The following SCUBE2 variants were observed in gnomAD, a reference collection of about 807,000 sequenced individuals.
SCUBE2 encodes signal peptide, CUB and EGF-like domain-containing protein 2.
A neutral mutation model predicts 125.9 loss-of-function variants in SCUBE2; 114 were observed. The observed-to-expected ratio is 0.91, with a 90% CI of 0.78 to 1.06. SCUBE2 has a LOEUF of 1.06. Ranked by LOEUF, SCUBE2 falls within the 50% of genes least tolerant of loss-of-function variation. The pLI, the probability that SCUBE2 is intolerant of heterozygous loss-of-function variation, is 0.00. For synonymous variants in SCUBE2, 459 were observed against 492.9 expected, an observed-to-expected ratio of 0.93 and a Z score of 0.91; for missense variants, 1,255 against 1,301.8, an observed-to-expected ratio of 0.96 and a Z score of 0.55.
At chr11:9,038,876 TTTTC>T (rs1458119123) in intron 16 of SCUBE2, among the ~76,000 whole-genome samples, 1 of 124,718 alleles carries the variant, frequency 8.0e-6, no homozygotes, top group Non-Finnish European at 1.7e-5. Flanking sequence ...TATGTTTTTC[TTTTC>T]TTTTCTTTTC....
chr11:9,074,041 G>A (rs1396577133), intron 4 of SCUBE2, among the ~76,000 whole-genome samples: 6 of 152,144 alleles, frequency 3.9e-5, no homozygotes, highest in Admixed American at 3.9e-4. Flanking sequence ...GCTTGGGGCT[G>A]AAAACAGGGC....
chr11:9,088,059 G>A (rs1413236584), intron 2 of SCUBE2, among the ~76,000 whole-genome samples: 1 of 152,246 alleles, frequency 6.6e-6, no homozygotes, highest in African/African-American at 2.4e-5. Flanking sequence ...ACCAGGCACT[G>A]CTGAGCATTA....
rs1164380712 is a variant in SCUBE2 at position 9,027,497 on chromosome 11, G to A, written c.2568C>T (p.Gly856=). The change falls in exon 20 of 23, where the codon GGC becomes GGT. Residue 856 remains glycine (G), a synonymous_variant. Coordinates refer to ENST00000649792, the MANE Select transcript of SCUBE2 (RefSeq NM_001367977.2). The part of the protein sequence containing the change: ...TGYIESPNYP[G]NYPANTECTW... ...TACACTCGGTGTTGGCTGGGTAATT[G>A]CCTGGGTAGTTTGGGGATTCAATGT... is the stretch of plus-strand genomic sequence containing the variant. 6.2e-7 allele frequency: 1 copy of A among 1,614,096 alleles called. No individual in the cohort carries two copies. The highest frequency in any genetic ancestry group is 1.1e-5 in the South Asian group (1 of 91,064).
rs779516377 is a variant in SCUBE2, at chr11:9,047,360, T to C, written c.1998A>G (p.Gln666=). ...CGVGQGHAEN[Q]CVSCRAGTYY... Reference sequence around the variant, plus strand: ...AGAATGTCCCAGGCCACTCACCACATTGGTTTTCTGCATGACCCTGGCCCA... The same window carrying C: ...AGAATGTCCCAGGCCACTCACCACACTGGTTTTCTGCATGACCCTGGCCCA... Residue 666 remains glutamine, a synonymous_variant, in exon 16 of 23, where the codon CAA becomes CAG. Coordinates refer to ENST00000649792, the MANE Select transcript of SCUBE2 (RefSeq NM_001367977.2). The C allele has an allele frequency of 3.1e-5, 50 of 1,613,944 alleles. No individual in the cohort carries two copies. Among genetic ancestry groups the C allele is most frequent in the Middle Eastern group, 1.6e-4 (1 of 6,084 alleles).
intron 9 of SCUBE2, among the ~76,000 whole-genome samples, chr11:9,058,474 T>C (rs1427761939): frequency 2.0e-5 from 3 of 151,660 alleles, no homozygotes; most frequent in Non-Finnish European, 2.9e-5. Flanking sequence ...TGCGCACCTG[T>C]AGTCCCAGAT....
chr11:9,052,684 C>G (rs1446697602), intron 13 of SCUBE2, 62 bp downstream of exon 13: 1 of 1,236,484 alleles, frequency 8.1e-7, no homozygotes, highest in African/African-American at 1.5e-5. Flanking sequence ...AACAGCACCC[C>G]GTGAATGAAG....
chr11:9,071,300 G>T (rs1453895462), intron 4 of SCUBE2, among the ~76,000 whole-genome samples: 1 of 152,188 alleles, frequency 6.6e-6, no homozygotes, highest in Non-Finnish European at 1.5e-5. Context: ...CTGCCTCAGA[G>T]TAATTCACCT....
At chr11:9,041,429 T>C (rs1158434636) in intron 16 of SCUBE2, among the ~76,000 whole-genome samples, 2 of 152,066 alleles carry the variant, frequency 1.3e-5, no homozygotes, top group Non-Finnish European at 2.9e-5. Flanking sequence ...AACCCTAGGA[T>C]AATCAGAAAG....
At chr11:9,030,668 A>C (rs1349291511) in intron 18 of SCUBE2, 90 bp downstream of exon 18, 2 of 1,357,560 alleles carry the variant, frequency 1.5e-6, no homozygotes, top group Non-Finnish European at 2.0e-6. Flanking sequence ...GCACTGCATC[A>C]GGCTGGGCTT....
intron 19 of SCUBE2, among the ~76,000 whole-genome samples, chr11:9,028,051 A>C (rs1314184257): frequency 6.6e-6 from 1 of 152,046 alleles, no homozygotes; most frequent in African/African-American, 2.4e-5. Flanking sequence ...TCATCTTTTA[A>C]AAAAATTATT....
intron 16 of SCUBE2, among the ~76,000 whole-genome samples, chr11:9,037,318 C>T (rs1856823172): frequency 6.6e-6 from 1 of 152,236 alleles, no homozygotes; most frequent in South Asian, 2.1e-4. Context: ...TCAAATCCCA[C>T]ACAGCTGTTT....
chr11:9,055,730 G>T lies in SCUBE2; in HGVS notation c.1207+63C>A, dbSNP rs1294651332. 5.4e-6 allele frequency: 7 copies of T among 1,302,834 alleles called. No homozygotes were observed. In the African/African-American group the frequency reaches 7.3e-5, roughly 13 times the overall value. The allele number at this position is 1,302,834 out of a possible 1,614,324, so 80.7% of individuals were successfully genotyped here. On this transcript the variant is annotated intron_variant, in intron 10 of 22. Coordinates refer to ENST00000649792, the MANE Select transcript of SCUBE2 (RefSeq NM_001367977.2). ...GTAGGAAAGCAAACCTCAGGGGTAG[G>T]CCCTGCTCCCCTCCAGGCCCAGCCT...
At chr11:9,089,908 C>T (rs1862490192) in intron 1 of SCUBE2, 79 bp from the exon 2 acceptor site, 3 of 1,530,078 alleles carry the variant, frequency 2.0e-6, no homozygotes, top group Non-Finnish European at 2.6e-6. Context: ...CTGGCATCAT[C>T]CTCACCAGCC....
chr11:9,030,046 C>T lies in SCUBE2; in HGVS notation c.2342-1G>A. 1 of 1,613,196 alleles carries T rather than the reference C, an allele frequency of 6.2e-7. No individual in the cohort carries two copies. The highest frequency in any genetic ancestry group is 8.5e-7 in the Non-Finnish European group (1 of 1,179,308). ...TAGAAATGTCCAGGTGAACATTGAA[C>T]TGTGGGTCAAGGGAGGGTGAAAAGA... On this transcript the variant is annotated splice_acceptor_variant, in intron 18 of 22. Transcript: ENST00000649792. LOFTEE classifies it high-confidence loss of function.
chr11:9,045,244 A>G (rs1200773819), intron 16 of SCUBE2, among the ~76,000 whole-genome samples: 1 of 152,188 alleles, frequency 6.6e-6, no homozygotes, highest in East Asian at 1.9e-4. Flanking sequence ...GAAAAATCAC[A>G]CAGCAAACTA....
intron 4 of SCUBE2, 139 bp downstream of exon 4, chr11:9,074,342 A>T (rs1332534637): frequency 4.0e-6 from 4 of 1,011,660 alleles, no homozygotes; most frequent in East Asian, 5.4e-5. Flanking sequence ...GTTACCCGGC[A>T]GTGGAGTCTG....
At chr11:9,048,403 T>A (rs760554881) in intron 14 of SCUBE2, among the ~76,000 whole-genome samples, 2 of 152,222 alleles carry the variant, frequency 1.3e-5, no homozygotes, top group Non-Finnish European at 2.9e-5. Context: ...TTGTCTTGCA[T>A]TCCTTACTGA....
At chr11:9,048,595 GC>G (rs1858035527) in intron 14 of SCUBE2, among the ~76,000 whole-genome samples, 1 of 152,236 alleles carries the variant, frequency 6.6e-6, no homozygotes, top group Non-Finnish European at 1.5e-5. Flanking sequence ...ACACCCGTCA[GC>G]AGTGATGTCT....
chr11:9,082,286 G>A (rs985119748), intron 2 of SCUBE2, among the ~76,000 whole-genome samples: 5 of 151,962 alleles, frequency 3.3e-5, no homozygotes, highest in Admixed American at 1.3e-4. Flanking sequence ...TCTGTGAGTC[G>A]CCTTTATATT....
Sources: allele counts gnomAD v4.1 joint callset (sites outside exome capture counted in the v4.1 genomes callset), GRCh38; gene constraint gnomAD v4.1.1; transcripts MANE v1.5; gene names NCBI Gene and HGNC (gene_info 2026-07-23, HGNC 2026-07-21).